CAST: variants seen among roughly 807,000 people sequenced by gnomAD.
CAST encodes the protein calpastatin, also known as MIR583 host.
A neutral mutation model predicts 119.6 loss-of-function variants in CAST; 76 were observed. That is an observed-to-expected ratio of 0.64 (90% confidence interval 0.53 to 0.77). The LOEUF is 0.77. Ranked by LOEUF, CAST falls within the 30% of genes least tolerant of loss-of-function variation. CAST has a pLI of 0.00. For missense variants in CAST, 953 were observed against 946.5 expected (o/e 1.01, Z -0.09); for synonymous variants, 319 against 331.6 (o/e 0.96, Z 0.41).
chr5:96,364,577 T>C, the CAST span, among the ~76,000 whole-genome samples: 1 of 152,252 alleles, frequency 6.6e-6, no homozygotes, highest in Non-Finnish European at 1.5e-5. Flanking sequence ...CAGGAATTTA[T>C]CCATTTCTTC....
chr5:96,264,537 G>T, the CAST span, among the ~76,000 whole-genome samples: 5 of 152,214 alleles, frequency 3.3e-5, no homozygotes, highest in East Asian at 1.9e-4. Context: ...AGCATTAAGT[G>T]TGTCTCCATG....
intron 1 of CAST, among the ~76,000 whole-genome samples, chr5:96,639,615 T>C (rs1192552282): frequency 1.3e-5 from 2 of 152,170 alleles, no homozygotes; most frequent in Admixed American, 1.3e-4. Flanking sequence ...AAGTGGTGCC[T>C]GGCCCCGGGA....
At chr5:96,284,489 T>G in the CAST span, among the ~76,000 whole-genome samples, 1 of 152,148 alleles carries the variant, frequency 6.6e-6, no homozygotes, top group African/African-American at 2.4e-5. Flanking sequence ...GGGCTCTATT[T>G]TGGGGCTCCC....
At chr5:96,432,433 G>T in the CAST span, among the ~76,000 whole-genome samples, 3 of 152,188 alleles carry the variant, frequency 2.0e-5, no homozygotes, top group African/African-American at 7.2e-5. Flanking sequence ...CTGCCATATT[G>T]AAAAGAAGGC....
chr5:96,576,656 A>AT (rs916913576), intron 1 of CAST, among the ~76,000 whole-genome samples: 8 of 151,154 alleles, frequency 5.3e-5, no homozygotes, highest in South Asian at 2.1e-4. Context: ...ATATCTAAAG[A>AT]TTTTTTTTCA....
intron 4 of CAST, among the ~76,000 whole-genome samples, chr5:96,725,954 A>G (rs1350291061): frequency 4.6e-5 from 7 of 152,228 alleles, no homozygotes. Context: ...ATAGTGTGTT[A>G]GCCTAGCAAG....
chr5:96,668,596 T>C (rs1749647006), intron 1 of CAST, among the ~76,000 whole-genome samples: 1 of 152,160 alleles, frequency 6.6e-6, no homozygotes, highest in African/African-American at 2.4e-5. Context: ...ACTCTTTTCA[T>C]AAATTTGCCA....
At chr5:96,594,632 CAA>C (rs1476216979) in intron 1 of CAST, among the ~76,000 whole-genome samples, 1 of 152,052 alleles carries the variant, frequency 6.6e-6, no homozygotes, top group Non-Finnish European at 1.5e-5. Flanking sequence ...CTACAGAAAA[CAA>C]AGAATTTTCA....
the CAST span, among the ~76,000 whole-genome samples, chr5:96,272,456 G>A: frequency 6.6e-6 from 1 of 152,068 alleles, no homozygotes; most frequent in African/African-American, 2.4e-5. Flanking sequence ...TTCATTTGCA[G>A]CAAGCAACAT....
intron 1 of CAST, among the ~76,000 whole-genome samples, chr5:96,609,405 T>C (rs1330146893): frequency 6.7e-6 from 1 of 150,126 alleles, no homozygotes; most frequent in Non-Finnish European, 1.5e-5. Flanking sequence ...ATAAACCATT[T>C]AAAGCGGTGC....
At chr5:96,423,165 G>T in the CAST span, 3 of 740,134 alleles carry the variant, frequency 4.1e-6, no homozygotes, top group South Asian at 1.5e-5. Flanking sequence ...ATATAAGCTA[G>T]TGGGAAGTGG....
the CAST span, among the ~76,000 whole-genome samples, chr5:96,462,379 A>G: frequency 1.3e-5 from 2 of 152,122 alleles, no homozygotes. Context: ...ACTGAGTATT[A>G]GTACAACAGG....
At chr5:96,066,400 T>C in the CAST span, among the ~76,000 whole-genome samples, 1 of 152,088 alleles carries the variant, frequency 6.6e-6, no homozygotes, top group Non-Finnish European at 1.5e-5. Flanking sequence ...CAACCTTTTT[T>C]TTTTTTCTTT....
intron 9 of CAST, among the ~76,000 whole-genome samples, chr5:96,734,034 G>A (rs1761144300): frequency 6.6e-6 from 1 of 152,208 alleles, no homozygotes; most frequent in South Asian, 2.1e-4. Context: ...GTTATTTGGT[G>A]AGGAATGAAG....
intron 1 of CAST, among the ~76,000 whole-genome samples, chr5:96,622,409 C>T: frequency 6.6e-6 from 1 of 152,126 alleles, no homozygotes; most frequent in African/African-American, 2.4e-5. Flanking sequence ...TGAATTTCAG[C>T]CTTACATAAA....
At chr5:96,751,168 T>C (rs556753822) in intron 20 of CAST, among the ~76,000 whole-genome samples, 6 of 152,312 alleles carry the variant, frequency 3.9e-5, no homozygotes, top group Non-Finnish European at 7.3e-5. Flanking sequence ...ACATGAAGTA[T>C]GATATTTAAG....
At chr5:96,533,103 A>G (rs1309820602) in intron 1 of CAST, among the ~76,000 whole-genome samples, 2 of 152,184 alleles carry the variant, frequency 1.3e-5, no homozygotes, top group African/African-American at 4.8e-5. Flanking sequence ...GCACTAGAAG[A>G]CAACAGAGCA....
chr5:96,729,578 A>G, intron 7 of CAST, 34 bp from the exon 8 acceptor site: 1 of 829,926 alleles, frequency 1.2e-6, no homozygotes. Flanking sequence ...CAATGTCTTT[A>G]TATGTGTGTG....
chr5:96,688,653 TATC>T (rs1221902573), intron 2 of CAST, among the ~76,000 whole-genome samples: 6 of 152,222 alleles, frequency 3.9e-5, no homozygotes, highest in African/African-American at 7.2e-5. Context: ...TATAATATGT[TATC>T]ATGTGCATAT....
Sources: gnomAD v4.1 joint callset for allele counts (sites outside exome capture counted in the v4.1 genomes callset) on GRCh38, gnomAD v4.1.1 for gene constraint, MANE v1.5 for transcripts, NCBI Gene and HGNC (gene_info 2026-07-23, HGNC 2026-07-21) for gene names.